AKT3: variants seen among roughly 807,000 people sequenced by gnomAD.
AKT3 encodes AKT serine/threonine kinase 3.
Under a neutral mutation model 65.3 loss-of-function variants are expected in AKT3, and 15 were observed. That is an observed-to-expected ratio of 0.23 (90% CI 0.15 to 0.35). The LOEUF is 0.35. AKT3 is among the 10% of genes least tolerant of loss of function. The probability of loss-of-function intolerance (pLI) is 1.00; values close to 1 mark genes in which losing one functional copy is unlikely to be tolerated. For synonymous variants in AKT3, 206 were observed against 183.8 expected (o/e 1.12, Z -0.98); for missense variants, 243 against 576.5 (o/e 0.42, Z 5.92).
chr1:243,695,540 A>G (rs914411992), intron 3 of AKT3, 51 bp downstream of exon 3: 1 of 1,500,158 alleles, frequency 6.7e-7, no homozygotes, highest in Non-Finnish European at 9.0e-7. Flanking sequence ...GACACATAAA[A>G]TCATAAAAAT....
Position 243,641,273 on chromosome 1 carries a change from TACAC to T in AKT3, c.430-3535_430-3532del, listed in dbSNP as rs974876841. Among the ~76,000 whole-genome samples the T allele has an allele frequency of 8.3e-5, 12 of 144,740 alleles. No homozygotes were observed. The South Asian group carries it at 8.6e-4, about 10-fold the overall frequency. The allele number at this position is 144,740 out of a possible 152,430, so 95.0% of individuals were successfully genotyped here. The stretch of plus-strand genomic sequence containing the variant: ...ATGTGTGTGTGTATATATATATATA[TACAC>T]ACACACACACACGCACACACACACA... On this transcript the variant is annotated intron_variant, in intron 5 of 13. Transcript: ENST00000673466.
intron 10 of AKT3, among the ~76,000 whole-genome samples, chr1:243,561,214 A>G (rs1221801743): frequency 6.6e-6 from 1 of 152,146 alleles, no homozygotes; most frequent in African/African-American, 2.4e-5. Flanking sequence ...CTAGTTGAAA[A>G]GAAGTATTAG....
In AKT3 at chr1:243,685,958, A is replaced by G. The variant is rs1684261233; in HGVS notation, c.172+9633T>C. Among the ~76,000 whole-genome samples, 3 of 152,184 alleles carry G rather than the reference A, an allele frequency of 2.0e-5. No individual in the cohort carries two copies. In the South Asian group the frequency reaches 6.2e-4, roughly 31 times the overall value. ...AAATCACAAGCATTCCTATACAACA[A>G]TAACAGACAAACAGAGAGCCAAATC... On this transcript the variant is annotated intron_variant, in intron 3 of 13. Transcript: ENST00000673466.
intron 4 of AKT3, among the ~76,000 whole-genome samples, chr1:243,654,633 AC>A (rs1444310058): frequency 6.6e-6 from 1 of 152,150 alleles, no homozygotes; most frequent in Non-Finnish European, 1.5e-5. Context: ...TCAATTTTTT[AC>A]TGAAAATATT....
chr1:243,659,326 G>A (rs1682087243), intron 4 of AKT3, among the ~76,000 whole-genome samples: 1 of 152,092 alleles, frequency 6.6e-6, no homozygotes, highest in Non-Finnish European at 1.5e-5. Flanking sequence ...AGATGAAAAC[G>A]TTCTAGAGAT....
At chr1:243,849,565 C>G (rs1695669692) in intron 1 of AKT3, among the ~76,000 whole-genome samples, 1 of 151,918 alleles carries the variant, frequency 6.6e-6, no homozygotes, top group Non-Finnish European at 1.5e-5. Flanking sequence ...CCCAAACACA[C>G]TGACACCGGC....
intron 8 of AKT3, among the ~76,000 whole-genome samples, chr1:243,609,796 A>C (rs535836340): frequency 6.6e-6 from 1 of 152,212 alleles, no homozygotes; most frequent in Non-Finnish European, 1.5e-5. Flanking sequence ...TCATCTGGCT[A>C]ATCTGAAAAT....
chr1:243,751,278 A>G lies in AKT3; in HGVS notation c.47-55562T>C, dbSNP rs571595855. ...CCACAAGGCAAGTTTTGGTGTGTGCAAAAATCCATTTGTAGACCAGCTGTG... is the reference window on the plus strand; with the variant it reads ...CCACAAGGCAAGTTTTGGTGTGTGCGAAAATCCATTTGTAGACCAGCTGTG... On this transcript the variant is annotated intron_variant, in intron 2 of 13. Coordinates refer to ENST00000673466, the MANE Select transcript of AKT3 (RefSeq NM_005465.7). Among the ~76,000 whole-genome samples the G allele has an allele frequency of 3.3e-5, 5 of 152,382 alleles. No individual in the cohort carries two copies. In the East Asian group the frequency reaches 9.6e-4, roughly 29 times the overall value.
chr1:243,807,726 G>C (rs1692835252), intron 2 of AKT3, among the ~76,000 whole-genome samples: 1 of 152,222 alleles, frequency 6.6e-6, no homozygotes, highest in Admixed American at 6.5e-5. Flanking sequence ...AGAACAGACA[G>C]ACTGCCTCCT....
chr1:243,739,075 T>C (rs1350656910), intron 2 of AKT3, among the ~76,000 whole-genome samples: 1 of 152,172 alleles, frequency 6.6e-6, no homozygotes, highest in Non-Finnish European at 1.5e-5. Flanking sequence ...CTAGCACAGA[T>C]CATGGTGATC....
At chr1:243,566,614 G>T in intron 9 of AKT3, among the ~76,000 whole-genome samples, 1 of 152,230 alleles carries the variant, frequency 6.6e-6, no homozygotes, top group East Asian at 1.9e-4. Context: ...AAGTCAGAGG[G>T]TTCATATTAA....
chr1:243,759,927 A>T, intron 2 of AKT3, among the ~76,000 whole-genome samples: 1 of 152,138 alleles, frequency 6.6e-6, no homozygotes, highest in East Asian at 1.9e-4. Context: ...CATTAAGCTG[A>T]AATCACAAAT....
At chr1:243,692,073 G>A (rs1319089204) in intron 3 of AKT3, among the ~76,000 whole-genome samples, 1 of 152,164 alleles carries the variant, frequency 6.6e-6, no homozygotes, top group Non-Finnish European at 1.5e-5. Context: ...AATAAGAACT[G>A]AAAGATGTCT....
intron 12 of AKT3, among the ~76,000 whole-genome samples, chr1:243,527,190 T>C (rs774068468): frequency 5.3e-5 from 8 of 152,310 alleles, no homozygotes; most frequent in Non-Finnish European, 1.2e-4. Context: ...ATTATTTCAT[T>C]GAGGCCTCTC....
chr1:243,607,142 C>T (rs1349751700), intron 8 of AKT3, among the ~76,000 whole-genome samples: 1 of 152,234 alleles, frequency 6.6e-6, no homozygotes, highest in Non-Finnish European at 1.5e-5. Context: ...TGTTGTAGCC[C>T]CCACACAGAG....
intron 2 of AKT3, among the ~76,000 whole-genome samples, chr1:243,819,036 C>G (rs1243927869): frequency 1.3e-5 from 2 of 152,232 alleles, no homozygotes; most frequent in Admixed American, 6.5e-5. Flanking sequence ...CAGGATATCA[C>G]CCTCATGAGC....
chr1:243,554,731 CCAACA>C (rs1257134091), intron 10 of AKT3, among the ~76,000 whole-genome samples: 1 of 152,004 alleles, frequency 6.6e-6, no homozygotes, highest in Non-Finnish European at 1.5e-5. Context: ...TCCTACAACA[CCAACA>C]CAACAGTGGC....
chr1:243,770,233 G>T (rs1336971472), intron 2 of AKT3, among the ~76,000 whole-genome samples: 1 of 152,140 alleles, frequency 6.6e-6, no homozygotes. Context: ...ACTCAATAAA[G>T]ATTTGTGAGT....
At chr1:243,657,209 C>A (rs933173649) in intron 4 of AKT3, among the ~76,000 whole-genome samples, 22 of 152,116 alleles carry the variant, frequency 1.4e-4, no homozygotes, top group African/African-American at 5.1e-4. Flanking sequence ...GGTGACAATA[C>A]AGGGGAAAGA....
Sources: allele counts gnomAD v4.1 joint callset (sites outside exome capture counted in the v4.1 genomes callset), GRCh38; gene constraint gnomAD v4.1.1; transcripts MANE v1.5; gene names NCBI Gene and HGNC (gene_info 2026-07-23, HGNC 2026-07-21).